The following PIP4K2A variants were observed in gnomAD, a reference collection of about 807,000 sequenced individuals.
PIP4K2A encodes phosphatidylinositol-5-phosphate 4-kinase type 2 alpha.
PIP4K2A carries 14 observed loss-of-function variants against 42.9 expected under a neutral mutation model. That is an observed-to-expected ratio of 0.33 (90% CI 0.22 to 0.51). PIP4K2A has a LOEUF of 0.51. Among genes scored for constraint, PIP4K2A ranks in the 20% least tolerant of loss-of-function variants. PIP4K2A has a pLI of 0.97. For synonymous variants in PIP4K2A, 192 were observed against 192.2 expected, an observed-to-expected ratio of 1.00 and a Z score of 0.01; for missense variants, 434 against 519.8, an observed-to-expected ratio of 0.83 and a Z score of 1.61.
chr10:22,548,244 T>A (rs1361738985), intron 7 of PIP4K2A, among the ~76,000 whole-genome samples: 9 of 152,236 alleles, frequency 5.9e-5, no homozygotes. Context: ...AATGAAAGGA[T>A]GTTTTACACC....
intron 1 of PIP4K2A, among the ~76,000 whole-genome samples, chr10:22,659,903 G>T (rs1839170550): frequency 3.9e-5 from 6 of 152,112 alleles, no homozygotes; most frequent in Admixed American, 3.9e-4. Flanking sequence ...CTCTTCCTAG[G>T]GCTGTTTTCA....
chr10:22,628,036 T>C (rs541723698), intron 1 of PIP4K2A, among the ~76,000 whole-genome samples: 49 of 152,326 alleles, frequency 3.2e-4, no homozygotes, highest in African/African-American at 1.1e-3. Flanking sequence ...ACTCATTCCC[T>C]GGGTTATAAA....
intron 1 of PIP4K2A, among the ~76,000 whole-genome samples, chr10:22,678,756 C>G (rs1839607387): frequency 6.6e-6 from 1 of 151,992 alleles, no homozygotes; most frequent in African/African-American, 2.4e-5. Context: ...GACACCAGAA[C>G]AAAATAATAA....
At chr10:22,636,672 G>T (rs187494158) in intron 1 of PIP4K2A, among the ~76,000 whole-genome samples, 1 of 152,208 alleles carries the variant, frequency 6.6e-6, no homozygotes, top group South Asian at 2.1e-4. Context: ...TGTCCTTCAA[G>T]TCTGTAGTAC....
chr10:22,703,442 A>G (rs1289663345), intron 1 of PIP4K2A, among the ~76,000 whole-genome samples: 1 of 152,052 alleles, frequency 6.6e-6, no homozygotes, highest in Non-Finnish European at 1.5e-5. Flanking sequence ...AGAGGGAAAA[A>G]CATTCCCGAC....
At chr10:22,667,893 G>GTGTT (rs1198091540) in intron 1 of PIP4K2A, among the ~76,000 whole-genome samples, 1 of 148,976 alleles carries the variant, frequency 6.7e-6, no homozygotes, top group African/African-American at 2.5e-5. Flanking sequence ...GTGTGTGTGT[G>GTGTT]TGTGTGTGTG....
At chr10:22,582,206 G>A (rs1020798573) in intron 4 of PIP4K2A, among the ~76,000 whole-genome samples, 1 of 152,028 alleles carries the variant, frequency 6.6e-6, no homozygotes, top group Non-Finnish European at 1.5e-5. Context: ...ACTACTGTGG[G>A]CTTGTTAGAA....
rs572074709 is a variant in PIP4K2A at position 22,535,099 on chromosome 10, A to G, written c.*2102T>C. The G allele has an allele frequency of 6.6e-6, 1 of 152,378 alleles. No individual in the cohort carries two copies. The highest frequency in any genetic ancestry group is 2.1e-4 in the South Asian group (1 of 4,832). The allele number at this position is 152,378 out of a possible 1,614,324, so 9.4% of individuals were successfully genotyped here. On this transcript the variant is annotated 3_prime_UTR_variant, in exon 10 of 10. Transcript: ENST00000376573. ...GTTTATCAACAGAAATAAATGACAG[A>G]CTGTTTGTTATAGACAAAAATAAAA...
At chr10:22,705,478 A>C (rs1190428895) in intron 1 of PIP4K2A, among the ~76,000 whole-genome samples, 1 of 147,398 alleles carries the variant, frequency 6.8e-6, no homozygotes. Context: ...GAGAGATGAC[A>C]ATGAGGACAA....
chr10:22,581,988 T>C (rs1352965894), intron 4 of PIP4K2A, among the ~76,000 whole-genome samples: 1 of 151,770 alleles, frequency 6.6e-6, no homozygotes, highest in Non-Finnish European at 1.5e-5. Context: ...TGGTGGCGCA[T>C]GCCTGTATTC....
Position 22,536,738 on chromosome 10 carries a change from A to AAC in PIP4K2A, c.*462_*463insGT, listed in dbSNP as rs1835938082. 1 of 141,970 alleles carries AAC rather than the reference A, an allele frequency of 7.0e-6. No individual in the cohort carries two copies. The highest frequency in any genetic ancestry group is 1.6e-5 in the Non-Finnish European group (1 of 63,704). The allele number at this position is 141,970 out of a possible 1,614,324, so 8.8% of individuals were successfully genotyped here. A position where few individuals can be genotyped will look rare whatever the true frequency, so the allele number is the denominator to read the frequency against. On this transcript the variant is annotated 3_prime_UTR_variant, in exon 10 of 10. Transcript: ENST00000376573. Reference sequence around the variant, plus strand: ...CCAAAAAAAAAAAAAAAAAAAAAAAACTGATCCACAGTTTGTTGTGTGATG... The same window carrying AAC: ...CCAAAAAAAAAAAAAAAAAAAAAAAAACCTGATCCACAGTTTGTTGTGTGATG...
intron 9 of PIP4K2A, 189 bp downstream of exon 9, chr10:22,539,782 C>G (rs1836043080): frequency 1.7e-6 from 1 of 598,346 alleles, no homozygotes; most frequent in Admixed American, 2.9e-5. Flanking sequence ...CATGACTTGC[C>G]CCCAGGGAAC....
intron 2 of PIP4K2A, among the ~76,000 whole-genome samples, 156 bp downstream of exon 2, chr10:22,609,464 C>G (rs1251865926): frequency 2.0e-5 from 3 of 152,212 alleles, no homozygotes; most frequent in Non-Finnish European, 4.4e-5. Flanking sequence ...GCTGTTGCTT[C>G]TCTAAAAATG....
intron 4 of PIP4K2A, among the ~76,000 whole-genome samples, chr10:22,586,111 C>T (rs1588644526): frequency 1.3e-5 from 2 of 152,160 alleles, no homozygotes; most frequent in African/African-American, 4.8e-5. Flanking sequence ...GAGTTTCTTA[C>T]AGCCTAACAG....
intron 1 of PIP4K2A, among the ~76,000 whole-genome samples, chr10:22,618,972 C>T (rs1838250546): frequency 1.3e-5 from 2 of 152,108 alleles, no homozygotes; most frequent in African/African-American, 4.8e-5. Context: ...TTTTTTCTTA[C>T]TTTTTTCTAC....
intron 1 of PIP4K2A, among the ~76,000 whole-genome samples, chr10:22,706,936 T>C (rs1033123175): frequency 1.3e-5 from 2 of 152,154 alleles, no homozygotes; most frequent in East Asian, 1.9e-4. Flanking sequence ...AAAGTAACCA[T>C]TGATTTAGCA....
chr10:22,653,132 A>G (rs1267538206), intron 1 of PIP4K2A, among the ~76,000 whole-genome samples: 1 of 152,190 alleles, frequency 6.6e-6, no homozygotes, highest in Non-Finnish European at 1.5e-5. Context: ...CCCCGGGGGT[A>G]TGAATCATAC....
At chr10:22,622,274 C>T (rs1205582188) in intron 1 of PIP4K2A, among the ~76,000 whole-genome samples, 1 of 152,216 alleles carries the variant, frequency 6.6e-6, no homozygotes, top group East Asian at 1.9e-4. Context: ...TGCTGAGGGG[C>T]TCCACAGCTG....
intron 1 of PIP4K2A, among the ~76,000 whole-genome samples, chr10:22,687,532 G>A (rs1160380017): frequency 7.2e-5 from 11 of 151,736 alleles, no homozygotes; most frequent in Admixed American, 5.9e-4. Flanking sequence ...TTAGTTACTC[G>A]TTACGAAAGC....
Sources: gnomAD v4.1 joint callset for allele counts (sites outside exome capture counted in the v4.1 genomes callset) on GRCh38, gnomAD v4.1.1 for gene constraint, MANE v1.5 for transcripts, NCBI Gene and HGNC (gene_info 2026-07-23, HGNC 2026-07-21) for gene names.